The following EXD2 variants were observed in gnomAD, a reference collection of about 807,000 sequenced individuals.
EXD2 encodes exonuclease 3'-5' domain-containing protein 2.
Under a neutral mutation model 62.5 loss-of-function variants are expected in EXD2, and 40 were observed. The ratio of observed to expected loss-of-function variants is 0.64; its 90% CI spans 0.50 to 0.83. The LOEUF (loss-of-function observed/expected upper bound fraction) is 0.83. Ranked by LOEUF, EXD2 falls within the 40% of genes least tolerant of loss-of-function variation. The probability of loss-of-function intolerance (pLI) is 0.00; values close to 1 mark genes in which losing one functional copy is unlikely to be tolerated. For synonymous variants in EXD2, 239 were observed against 291.9 expected (o/e 0.82, Z 1.85); for missense variants, 671 against 761.8 (o/e 0.88, Z 1.40).
intron 6 of EXD2, 28 bp from the exon 7 acceptor site, chr14:69,236,018 T>C: frequency 1.9e-6 from 3 of 1,571,030 alleles, no homozygotes; most frequent in Non-Finnish European, 2.6e-6. Flanking sequence ...AGCTTCCGGT[T>C]TGAGATTTCT....
intron 1 of EXD2, among the ~76,000 whole-genome samples, chr14:69,198,986 A>G (rs543549198): frequency 2.0e-5 from 3 of 152,370 alleles, no homozygotes; most frequent in South Asian, 2.1e-4. Flanking sequence ...GCTCACGCCT[A>G]TAATCCCAGT....
At chr14:69,231,574 C>T (rs1268869184) in intron 5 of EXD2, among the ~76,000 whole-genome samples, 1 of 152,122 alleles carries the variant, frequency 6.6e-6, no homozygotes, top group Non-Finnish European at 1.5e-5. Flanking sequence ...GCATAGTGTT[C>T]CATGTACCTA....
chr14:69,195,648 A>T (rs1594714622), intron 1 of EXD2, among the ~76,000 whole-genome samples: 1 of 152,146 alleles, frequency 6.6e-6, no homozygotes, highest in South Asian at 2.1e-4. Context: ...CCAAAAAGAA[A>T]CCCATACCAA....
chr14:69,234,488 G>T (rs796172421), intron 5 of EXD2, among the ~76,000 whole-genome samples: 74 of 152,250 alleles, frequency 4.9e-4, no homozygotes, highest in African/African-American at 1.7e-3. Flanking sequence ...TAAAAACATA[G>T]GGAACATGAG....
chr14:69,237,371 TG>T (rs1220795435), intron 8 of EXD2, among the ~76,000 whole-genome samples: 1 of 152,156 alleles, frequency 6.6e-6, no homozygotes, highest in African/African-American at 2.4e-5. Flanking sequence ...TGTACTTACT[TG>T]CAGGAGAGAG....
Position 69,192,590 on chromosome 14 carries a change from A to G in EXD2, c.-132+999A>G, listed in dbSNP as rs151207617. The stretch of plus-strand genomic sequence containing the variant: ...TTTGATTTTGTTTTTTTCCATCTCC[A>G]CCTTCTTTACCAGTCCCTTTCCCAC... On this transcript the variant is annotated intron_variant, in intron 1 of 9. Coordinates refer to ENST00000685843, the MANE Select transcript of EXD2 (RefSeq NM_001193360.2). Among the ~76,000 whole-genome samples the G allele has an allele frequency of 5.0e-3, 753 of 151,834 alleles. 4 individuals are homozygous for G. The highest frequency in any genetic ancestry group is 7.8e-3 in the Non-Finnish European group (532 of 67,914).
intron 5 of EXD2, among the ~76,000 whole-genome samples, chr14:69,233,361 G>T (rs1430444840): frequency 1.3e-5 from 2 of 151,358 alleles, no homozygotes; most frequent in Non-Finnish European, 3.0e-5. Context: ...TACACTTTTT[G>T]TTGGGAAAAG....
intron 5 of EXD2, among the ~76,000 whole-genome samples, chr14:69,231,833 A>C (rs1469065550): frequency 6.6e-6 from 1 of 150,740 alleles, no homozygotes; most frequent in Admixed American, 6.6e-5. Context: ...CTGTTTTTTA[A>C]ATTCCATGTC....
rs60787528 is a variant in EXD2 at position 69,206,455 on chromosome 14, C to CCTTTTTT, written c.-48+2455_-48+2456insCTTTTTT. ...CCCAGCTTCATCTCCCACCCACCCA[C>CCTTTTTT]TTTTTTTTTTTTTTTTTTTTTTTTT... On this transcript the variant is annotated intron_variant, in intron 2 of 9. Coordinates refer to ENST00000685843, the MANE Select transcript of EXD2 (RefSeq NM_001193360.2). Among the ~76,000 whole-genome samples, 563 of 94,644 alleles carry CCTTTTTT rather than the reference C, an allele frequency of 5.9e-3. 176 individuals are homozygous for CCTTTTTT. The highest frequency in any genetic ancestry group is 0.02 in the African/African-American group (443 of 22,184). 62.1% of individuals were successfully genotyped at this position (94,644 alleles called of 152,430 possible).
intron 3 of EXD2, among the ~76,000 whole-genome samples, chr14:69,224,707 G>T (rs143106951): frequency 6.6e-6 from 1 of 152,162 alleles, no homozygotes; most frequent in African/African-American, 2.4e-5. Flanking sequence ...ATGGCCAGGT[G>T]CAGTGGCTCA....
At chr14:69,228,633 C>G (rs1354267162) in intron 3 of EXD2, among the ~76,000 whole-genome samples, 183 bp from the exon 4 acceptor site, 1 of 152,188 alleles carries the variant, frequency 6.6e-6, no homozygotes, top group East Asian at 1.9e-4. Context: ...GTTTAGGTCA[C>G]TGCTTCACAA....
chr14:69,218,640 A>G (rs919454871), intron 3 of EXD2, among the ~76,000 whole-genome samples: 2 of 152,040 alleles, frequency 1.3e-5, no homozygotes, highest in Non-Finnish European at 2.9e-5. Flanking sequence ...TTATGGTTTT[A>G]GGTCTAACAT....
At chr14:69,220,240 G>GTT (rs1407667953) in intron 3 of EXD2, among the ~76,000 whole-genome samples, 1 of 92,184 alleles carries the variant, frequency 1.1e-5, no homozygotes, top group Non-Finnish European at 2.2e-5. Flanking sequence ...CTCAGCAAGT[G>GTT]TTTTGTCTCT....
At chr14:69,201,537 C>A (rs938123079) in intron 1 of EXD2, among the ~76,000 whole-genome samples, 12 of 152,032 alleles carry the variant, frequency 7.9e-5, no homozygotes, top group African/African-American at 2.7e-4. Context: ...GTGCTTCCTG[C>A]CCTTCCCATT....
chr14:69,214,526 C>T (rs1206066603), intron 3 of EXD2, among the ~76,000 whole-genome samples: 2 of 151,932 alleles, frequency 1.3e-5, no homozygotes, highest in African/African-American at 4.8e-5. Flanking sequence ...TGAAATATAA[C>T]ACATCAAGAA....
chr14:69,222,942 C>T (rs2043235173), intron 3 of EXD2, among the ~76,000 whole-genome samples: 1 of 152,102 alleles, frequency 6.6e-6, no homozygotes, highest in Admixed American at 6.5e-5. Flanking sequence ...ATTCATGCCT[C>T]ATATAAATGA....
At chr14:69,222,183 T>A (rs1173757277) in intron 3 of EXD2, among the ~76,000 whole-genome samples, 1 of 151,978 alleles carries the variant, frequency 6.6e-6, no homozygotes, top group Non-Finnish European at 1.5e-5. Context: ...TCTTTTTTCA[T>A]TCCTGACTTT....
At position 69,234,916 on chromosome 14, in the gene EXD2, C is replaced by G. The variant is rs754820477; in HGVS notation, c.934C>G (p.Gln312Glu). The change falls in exon 6 of 10, where the codon CAG becomes GAG. Residue 312 changes from glutamine (Q) to glutamate (E), a missense_variant. Physicochemically the swap from Gln to Glu is conservative, Grantham distance 29. Coordinates refer to ENST00000685843, the MANE Select transcript of EXD2 (RefSeq NM_001193360.2). ...EEVNGEATESQQKPRNKKSKM... is the reference protein window; with the variant it reads ...EEVNGEATESEQKPRNKKSKM... The stretch of plus-strand genomic sequence containing the variant: ...GGTTAATGGGGAAGCAACAGAATCT[C>G]AGCAGAAGCCAAGAAATAAGAAGTC... 1 of 1,614,116 alleles carries G rather than the reference C, an allele frequency of 6.2e-7. No homozygotes were observed. Among genetic ancestry groups the G allele is most frequent in the Non-Finnish European group, 8.5e-7 (1 of 1,180,000 alleles).
intron 1 of EXD2, among the ~76,000 whole-genome samples, chr14:69,203,169 C>A (rs377473519): frequency 6.6e-6 from 1 of 152,144 alleles, no homozygotes; most frequent in South Asian, 2.1e-4. Flanking sequence ...GGTGATTCTC[C>A]CATCTCAGCC....
Sources: gnomAD v4.1 joint callset for allele counts (sites outside exome capture counted in the v4.1 genomes callset) on GRCh38, gnomAD v4.1.1 for gene constraint, MANE v1.5 for transcripts, NCBI Gene and HGNC (gene_info 2026-07-23, HGNC 2026-07-21) for gene names.